GRM7: variants seen among roughly 807,000 people sequenced by gnomAD.
GRM7 encodes the protein glutamate metabotropic receptor 7, also known as metabotropic glutamate receptor 7.
In GRM7, 35 loss-of-function variants were observed where a neutral mutation model predicts 84.5. The observed-to-expected ratio is 0.41, with a 90% CI of 0.32 to 0.55. The LOEUF (loss-of-function observed/expected upper bound fraction) is 0.55, where lower values mean the gene tolerates loss of function less well. Ranked by LOEUF, GRM7 falls within the 20% of genes least tolerant of loss-of-function variation. The pLI is 0.19. For missense variants in GRM7, 1,003 were observed against 1,194.6 expected (o/e 0.84, Z 2.36); for synonymous variants, 487 against 455.1 (o/e 1.07, Z -0.89).
At chr3:7,003,168 A>T (rs1365874073) in intron 1 of GRM7, among the ~76,000 whole-genome samples, 3 of 152,164 alleles carry the variant, frequency 2.0e-5, no homozygotes, top group Non-Finnish European at 4.4e-5. Context: ...TTAGTGATCT[A>T]TTGCACTGCA....
intron 2 of GRM7, among the ~76,000 whole-genome samples, chr3:7,289,289 T>C (rs1392768697): frequency 2.6e-5 from 4 of 152,192 alleles, no homozygotes; most frequent in African/African-American, 9.7e-5. Context: ...AGTAACCAGC[T>C]CATGACCTGC....
chr3:6,987,112 C>T (rs1694442355), intron 1 of GRM7, among the ~76,000 whole-genome samples: 1 of 152,120 alleles, frequency 6.6e-6, no homozygotes, highest in Non-Finnish European at 1.5e-5. Flanking sequence ...ATCCCCTTCC[C>T]TTTAGCTCCC....
At chr3:7,468,392 T>C (rs1698548833) in intron 7 of GRM7, among the ~76,000 whole-genome samples, 1 of 152,220 alleles carries the variant, frequency 6.6e-6, no homozygotes, top group South Asian at 2.1e-4. Context: ...ATTAAATGGA[T>C]CTGAGTCTCA....
intron 1 of GRM7, among the ~76,000 whole-genome samples, chr3:6,957,158 CCACTA>C: frequency 6.6e-6 from 1 of 152,242 alleles, no homozygotes; most frequent in East Asian, 1.9e-4. Context: ...TTTGGGACTG[CCACTA>C]AGTGCAATCC....
At chr3:7,392,985 A>T (rs111879089) in intron 4 of GRM7, among the ~76,000 whole-genome samples, 39 of 152,296 alleles carry the variant, frequency 2.6e-4, no homozygotes, top group African/African-American at 9.1e-4. Context: ...GGCCAAGGTC[A>T]GGATGCAGCC....
intron 2 of GRM7, among the ~76,000 whole-genome samples, chr3:7,279,117 C>T (rs1383204259): frequency 6.6e-6 from 1 of 152,090 alleles, no homozygotes; most frequent in East Asian, 1.9e-4. Context: ...CAGATTTACT[C>T]ACAGTTGACA....
At chr3:7,583,720 T>C (rs574697052) in intron 8 of GRM7, among the ~76,000 whole-genome samples, 2 of 152,314 alleles carry the variant, frequency 1.3e-5, no homozygotes, top group African/African-American at 4.8e-5. Flanking sequence ...TTTTGTTAAA[T>C]TGCCAAATGC....
chr3:7,694,253 G>A (rs988841756), intron 9 of GRM7: 1 of 154,690 alleles, frequency 6.5e-6, no homozygotes. Flanking sequence ...ATAAATAAAG[G>A]TAAAGGGCTT....
At chr3:7,328,140 G>C (rs989094000) in intron 4 of GRM7, among the ~76,000 whole-genome samples, 1 of 152,112 alleles carries the variant, frequency 6.6e-6, no homozygotes, top group South Asian at 2.1e-4. Flanking sequence ...TTCAACTTTA[G>C]AATTAGCAAA....
At chr3:7,129,354 C>T (rs1055872115) in intron 1 of GRM7, among the ~76,000 whole-genome samples, 1 of 152,224 alleles carries the variant, frequency 6.6e-6, no homozygotes, top group South Asian at 2.1e-4. Flanking sequence ...ACATGATCAA[C>T]ACTTATCCGT....
At chr3:6,957,823 T>A (rs1468732211) in intron 1 of GRM7, among the ~76,000 whole-genome samples, 1 of 152,200 alleles carries the variant, frequency 6.6e-6, no homozygotes. Context: ...CTGGTCGACT[T>A]GGAGTTGACA....
intron 1 of GRM7, among the ~76,000 whole-genome samples, chr3:7,046,419 A>T (rs1450319033): frequency 1.3e-5 from 2 of 152,118 alleles, no homozygotes; most frequent in Non-Finnish European, 2.9e-5. Context: ...TTTCTTCAAC[A>T]TGGAAAACCA....
chr3:7,470,892 T>C (rs941085731), intron 7 of GRM7, among the ~76,000 whole-genome samples: 1 of 151,994 alleles, frequency 6.6e-6, no homozygotes, highest in African/African-American at 2.4e-5. Flanking sequence ...GACCTGGTTA[T>C]GTTCAAATGA....
intron 8 of GRM7, among the ~76,000 whole-genome samples, chr3:7,588,289 C>T (rs895854045): frequency 2.2e-4 from 33 of 152,138 alleles, no homozygotes; most frequent in Non-Finnish European, 2.8e-4. Flanking sequence ...GCACTTGGGG[C>T]GTAAGAGTTC....
chr3:6,911,712 G>T (rs1019240468), intron 1 of GRM7, among the ~76,000 whole-genome samples: 2 of 151,926 alleles, frequency 1.3e-5, no homozygotes, highest in African/African-American at 4.8e-5. Flanking sequence ...TTTAGCTCTT[G>T]CTTATTTCCA....
chr3:7,358,438 T>A (rs777725093), intron 4 of GRM7, among the ~76,000 whole-genome samples: 1 of 126,740 alleles, frequency 7.9e-6, no homozygotes, highest in Non-Finnish European at 1.7e-5. Flanking sequence ...TGAACCAGAA[T>A]TTCCTAATAA....
At chr3:7,322,200 G>A (rs6443104) in intron 4 of GRM7, among the ~76,000 whole-genome samples, 95,436 of 151,794 alleles carry the variant, frequency 0.63, 31,663 homozygotes, top group African/African-American at 0.85. Flanking sequence ...TCTAGTGGAC[G>A]CTTATAATAT....
chr3:7,279,273 A>G (rs1050114743), intron 2 of GRM7, among the ~76,000 whole-genome samples: 5 of 152,144 alleles, frequency 3.3e-5, no homozygotes, highest in African/African-American at 9.7e-5. Context: ...ATGCATTTCA[A>G]CGTGGTGGGG....
intron 2 of GRM7, among the ~76,000 whole-genome samples, chr3:7,158,272 C>T (rs1256177528): frequency 6.6e-6 from 1 of 152,136 alleles, no homozygotes; most frequent in Non-Finnish European, 1.5e-5. Flanking sequence ...AAGACCTCTG[C>T]TTTAAATCTC....
Sources: allele counts gnomAD v4.1 joint callset (sites outside exome capture counted in the v4.1 genomes callset), GRCh38; gene constraint gnomAD v4.1.1; transcripts MANE v1.5; gene names NCBI Gene and HGNC (gene_info 2026-07-23, HGNC 2026-07-21).